The following SDK2 variants were observed in gnomAD, a reference collection of about 807,000 sequenced individuals.
SDK2 encodes the protein sidekick cell adhesion molecule 2.
Under a neutral mutation model 253.9 loss-of-function variants are expected in SDK2, and 105 were observed. The ratio of observed to expected loss-of-function variants is 0.41; its 90% CI spans 0.35 to 0.49. SDK2 has a LOEUF of 0.49. Ranked by LOEUF, SDK2 falls within the 20% of genes least tolerant of loss-of-function variation. The probability of loss-of-function intolerance (pLI) is 0.06; values close to 1 mark genes in which losing one functional copy is unlikely to be tolerated. For missense variants in SDK2, 2,608 were observed against 3,003.0 expected, an observed-to-expected ratio of 0.87 and a Z score of 3.07; for synonymous variants, 1,249 against 1,234.9, an observed-to-expected ratio of 1.01 and a Z score of -0.24.
At chr17:73,462,386 G>A (rs950672736) in intron 3 of SDK2, among the ~76,000 whole-genome samples, 1 of 152,064 alleles carries the variant, frequency 6.6e-6, no homozygotes, top group African/African-American at 2.4e-5. Context: ...ATGTTTACAT[G>A]TATGAATATA....
At chr17:73,557,735 G>A (rs1286131068) in intron 1 of SDK2, among the ~76,000 whole-genome samples, 2 of 151,670 alleles carry the variant, frequency 1.3e-5, no homozygotes, top group Non-Finnish European at 2.9e-5. Flanking sequence ...TGGGTTGGAG[G>A]TCCTCTTTCA....
intron 2 of SDK2, among the ~76,000 whole-genome samples, chr17:73,506,816 C>G (rs138400366): frequency 6.6e-6 from 1 of 152,374 alleles, no homozygotes; most frequent in Non-Finnish European, 1.5e-5. Flanking sequence ...AGCAGATCCA[C>G]CCTTGCTGAG....
intron 16 of SDK2, among the ~76,000 whole-genome samples, chr17:73,418,024 T>TTTTG (rs1555765790): frequency 6.7e-6 from 1 of 149,954 alleles, no homozygotes; most frequent in Non-Finnish European, 1.5e-5. Context: ...TTTTTTTTTT[T>TTTTG]TTTTGTTTTT....
At chr17:73,551,731 C>T (rs1174499527) in intron 1 of SDK2, among the ~76,000 whole-genome samples, 4 of 152,250 alleles carry the variant, frequency 2.6e-5, no homozygotes, top group African/African-American at 4.8e-5. Context: ...CCTGCCCTCA[C>T]GGTGCTTACA....
rs1373044271 is a variant in SDK2, at chr17:73,481,774, C to T, written c.225-9556G>A. ...GGCCTGCAGACTCTAGGACTTACAC[C>T]CATGGGCTCTCGGTTTCCAGGCCTT... On this transcript the variant is annotated intron_variant, in intron 2 of 44. Transcript: ENST00000392650. The surrounding 1 kb of genome is among the most constrained non-coding windows in gnomAD (Gnocchi z 4.5). Among the ~76,000 whole-genome samples the T allele has an allele frequency of 1.3e-5, 2 of 152,160 alleles. No homozygotes were observed. Among genetic ancestry groups the T allele is most frequent in the Admixed American group, 1.3e-4 (2 of 15,282 alleles).
chr17:73,518,100 TC>T (rs796190551), intron 1 of SDK2: 2 of 152,322 alleles, frequency 1.3e-5, no homozygotes, highest in South Asian at 2.1e-4. Flanking sequence ...AGAGCCCAGA[TC>T]CATGAGAAAG....
At chr17:73,565,983 C>T (rs2045305999) in intron 1 of SDK2, among the ~76,000 whole-genome samples, 1 of 152,174 alleles carries the variant, frequency 6.6e-6, no homozygotes, top group Non-Finnish European at 1.5e-5. Context: ...GCCACCACAC[C>T]CAGCTAATTT....
In SDK2 at chr17:73,352,466, C is replaced by A. The variant is rs1366023213; in HGVS notation, c.5758+7G>T. ...CTCCCCCACTCCCTCAGCCCCCAGG[C>A]CGGTACCTGGCACAGACTGGGAGGG... On this transcript the variant is annotated splice_region_variant and intron_variant, in intron 41 of 44. Transcript: ENST00000392650. The surrounding 1 kb of genome is among the most constrained non-coding windows in gnomAD (Gnocchi z 4.1). The A allele has an allele frequency of 2.5e-6, 4 of 1,609,416 alleles. No homozygotes were observed. The East Asian group carries it at 6.7e-5, about 27-fold the overall frequency.
At chr17:73,416,076 C>A in intron 16 of SDK2, 84 bp from the exon 17 acceptor site, 1 of 1,282,508 alleles carries the variant, frequency 7.8e-7, no homozygotes, top group Non-Finnish European at 1.1e-6. Flanking sequence ...GCAGCGCTGT[C>A]CAATAGGACT....
At chr17:73,569,779 A>G (rs6501654) in intron 1 of SDK2, among the ~76,000 whole-genome samples, 105,198 of 151,704 alleles carry the variant, frequency 0.69, 36,815 homozygotes, top group African/African-American at 0.8. Context: ...ACATTGGTAG[A>G]TGGGCGATGA....
At chr17:73,540,085 G>T (rs1417904037) in intron 1 of SDK2, among the ~76,000 whole-genome samples, 2 of 151,820 alleles carry the variant, frequency 1.3e-5, no homozygotes, top group East Asian at 3.9e-4. Context: ...TCATGCAGCT[G>T]TGAGCCACGG....
rs773225709 is a variant in SDK2 at position 73,431,467 on chromosome 17, C to A, written c.1480+35G>T. ...CTACAGGGATGTACACACGCACACA[C>A]AAATGTATAAAGCCCTGTGGCTCTG... On this transcript the variant is annotated intron_variant, in intron 11 of 44. Coordinates refer to ENST00000392650, the MANE Select transcript of SDK2 (RefSeq NM_001144952.2). The surrounding 1 kb of genome is among the most constrained non-coding windows in gnomAD (Gnocchi z 5.6). The A allele has an allele frequency of 4.4e-6, 7 of 1,586,788 alleles. No individual in the cohort carries two copies. In the South Asian group the frequency reaches 6.8e-5, roughly 15 times the overall value.
chr17:73,343,941 C>T (rs1568358182), intron 44 of SDK2, among the ~76,000 whole-genome samples: 1 of 152,156 alleles, frequency 6.6e-6, no homozygotes, highest in Non-Finnish European at 1.5e-5. Context: ...GAGCCCCTCC[C>T]TCATCCACGG....
chr17:73,617,546 G>A lies in SDK2; in HGVS notation c.64+26479C>T, dbSNP rs1452320201. ...CTTAGAGCTGTCCTCTGGCTGCAGA[G>A]ATCTCTCCCTGTCCAGCATACCTAG... On this transcript the variant is annotated intron_variant, in intron 1 of 44. Transcript: ENST00000392650. Among the ~76,000 whole-genome samples, 4 of 152,056 alleles carry A rather than the reference G, an allele frequency of 2.6e-5. No homozygotes were observed. In the South Asian group the frequency reaches 8.3e-4, roughly 32 times the overall value.
chr17:73,421,407 G>A (rs922418907), intron 15 of SDK2, among the ~76,000 whole-genome samples: 1 of 152,122 alleles, frequency 6.6e-6, no homozygotes. Context: ...CTTTGCGCAC[G>A]TGATTTGTAT....
intron 40 of SDK2, among the ~76,000 whole-genome samples, chr17:73,354,320 C>T (rs12452921): frequency 0.37 from 57,014 of 152,176 alleles, 12,047 homozygotes; most frequent in Non-Finnish European, 0.47. Context: ...ATCCGTGGCT[C>T]TCTGGGCCTT....
rs150036164 is a variant in SDK2, at chr17:73,404,827, A to G, written c.2485-2686T>C. Among the ~76,000 whole-genome samples, 440 of 152,240 alleles carry G rather than the reference A, an allele frequency of 2.9e-3. 2 individuals carry two copies. Among genetic ancestry groups the G allele is most frequent in the Non-Finnish European group, 4.6e-3 (312 of 68,028 alleles). ...AGCATTAGACCTGAGTTCCTGGGAT[A>G]TGAAATTCCCCCTTAGAGAGCAGAG... On this transcript the variant is annotated intron_variant, in intron 18 of 44. Coordinates refer to ENST00000392650, the MANE Select transcript of SDK2 (RefSeq NM_001144952.2).
intron 37 of SDK2, among the ~76,000 whole-genome samples, chr17:73,365,920 G>A (rs2062680844): frequency 6.6e-6 from 1 of 152,106 alleles, no homozygotes; most frequent in South Asian, 2.1e-4. Context: ...CAGTCAGGGG[G>A]AGCCACGCCA....
chr17:73,419,516 G>GGCT (rs2063210678), intron 15 of SDK2, among the ~76,000 whole-genome samples: 1 of 151,960 alleles, frequency 6.6e-6, no homozygotes, highest in Non-Finnish European at 1.5e-5. Context: ...GACTAGTTGA[G>GGCT]GCTCAAATGA....
Sources: allele counts gnomAD v4.1 joint callset (sites outside exome capture counted in the v4.1 genomes callset), GRCh38; gene constraint gnomAD v4.1.1; non-coding constraint Gnocchi (gnomAD v3.1); transcripts MANE v1.5; gene names NCBI Gene and HGNC (gene_info 2026-07-23, HGNC 2026-07-21).